TMEM132D: variants seen among roughly 807,000 people sequenced by gnomAD.
TMEM132D encodes mature OL transmembrane protein.
In TMEM132D, 21 loss-of-function variants were observed where a neutral mutation model predicts 62.3. That is an observed-to-expected ratio of 0.34 (90% CI 0.24 to 0.49). The LOEUF is 0.49. Among genes scored for constraint, TMEM132D ranks in the 20% least tolerant of loss-of-function variants. TMEM132D has a pLI of 0.99. For synonymous variants in TMEM132D, 621 were observed against 575.6 expected (o/e 1.08, Z -1.13); for missense variants, 1,346 against 1,402.8 (o/e 0.96, Z 0.65).
At chr12:129,490,004 C>T (rs115597359) in intron 3 of TMEM132D, among the ~76,000 whole-genome samples, 182 of 152,182 alleles carry the variant, frequency 1.2e-3, no homozygotes, top group African/African-American at 4.0e-3. Context: ...ATCTATATGC[C>T]CCATGGAATT....
intron 4 of TMEM132D, among the ~76,000 whole-genome samples, chr12:129,245,510 A>G (rs368527047): frequency 6.6e-6 from 1 of 151,980 alleles, no homozygotes; most frequent in Non-Finnish European, 1.5e-5. Flanking sequence ...TAAAGCTGCT[A>G]TAAACATCTG....
chr12:129,545,824 T>C (rs114020900), intron 2 of TMEM132D, among the ~76,000 whole-genome samples: 249 of 152,286 alleles, frequency 1.6e-3, no homozygotes, highest in African/African-American at 5.8e-3. Context: ...TTCAATAGGG[T>C]AGTTCCACTC....
intron 3 of TMEM132D, among the ~76,000 whole-genome samples, chr12:129,527,738 CA>C (rs1157719020): frequency 2.6e-5 from 4 of 152,184 alleles, no homozygotes; most frequent in African/African-American, 9.7e-5. Flanking sequence ...TTTGCAAATG[CA>C]AAATGCAATT....
At chr12:129,220,449 G>A (rs1056174143) in intron 4 of TMEM132D, among the ~76,000 whole-genome samples, 1 of 152,200 alleles carries the variant, frequency 6.6e-6, no homozygotes, top group African/African-American at 2.4e-5. Context: ...GAAAATCTGA[G>A]CCAAGTAGAT....
rs564061470 is a variant in TMEM132D, at chr12:129,800,866, C to T, written c.80-100168G>A. On this transcript the variant is annotated intron_variant, in intron 1 of 8. Coordinates refer to ENST00000422113, the MANE Select transcript of TMEM132D (RefSeq NM_133448.3). ...CAGCTCAGTGGGTGCGCGCACCGTG[C>T]ACCAGCCGAAGCAGGGCGAGGCATT... is the stretch of plus-strand genomic sequence containing the variant. Among the ~76,000 whole-genome samples, 76 of 152,270 alleles carry T rather than the reference C, an allele frequency of 5.0e-4. No individual in the cohort carries two copies. The East Asian group carries it at 0.014, about 28-fold the overall frequency.
At chr12:129,868,805 G>A (rs1249968754) in intron 1 of TMEM132D, among the ~76,000 whole-genome samples, 1 of 152,160 alleles carries the variant, frequency 6.6e-6, no homozygotes, top group Non-Finnish European at 1.5e-5. Flanking sequence ...CCTGCCCCCA[G>A]GGTGTTTTGG....
chr12:129,855,165 A>G (rs1873693241), intron 1 of TMEM132D, among the ~76,000 whole-genome samples: 1 of 99,632 alleles, frequency 1.0e-5, no homozygotes, highest in African/African-American at 4.1e-5. Flanking sequence ...GTGCCCTTAT[A>G]ACAGAGTCCG....
intron 1 of TMEM132D, among the ~76,000 whole-genome samples, chr12:129,751,767 G>A (rs574893866): frequency 1.1e-4 from 16 of 152,220 alleles, no homozygotes; most frequent in South Asian, 4.2e-4. Context: ...TTGCAACTTC[G>A]CTACAAACAC....
chr12:129,414,045 C>T (rs1313078597), intron 3 of TMEM132D, among the ~76,000 whole-genome samples: 1 of 152,196 alleles, frequency 6.6e-6, no homozygotes, highest in Non-Finnish European at 1.5e-5. Context: ...AAAATCAGGT[C>T]ACCAAAATTA....
intron 3 of TMEM132D, among the ~76,000 whole-genome samples, chr12:129,472,164 G>A (rs1277461949): frequency 6.6e-6 from 1 of 152,188 alleles, no homozygotes; most frequent in East Asian, 1.9e-4. Context: ...TGCCATCTAG[G>A]AGCTTCACAG....
intron 1 of TMEM132D, among the ~76,000 whole-genome samples, chr12:129,841,143 G>C (rs1160588306): frequency 6.6e-6 from 1 of 152,080 alleles, no homozygotes; most frequent in South Asian, 2.1e-4. Flanking sequence ...TGACATGTGC[G>C]CACCCCTGTG....
At chr12:129,231,014 A>G (rs1879623092) in intron 4 of TMEM132D, among the ~76,000 whole-genome samples, 1 of 152,234 alleles carries the variant, frequency 6.6e-6, no homozygotes, top group African/African-American at 2.4e-5. Flanking sequence ...AAAATCTTTG[A>G]AACCACTTAT....
chr12:129,590,408 ATTACCCAC>A (rs752745268), intron 2 of TMEM132D, among the ~76,000 whole-genome samples: 1 of 152,200 alleles, frequency 6.6e-6, no homozygotes, highest in African/African-American at 2.4e-5. Flanking sequence ...CCTCCTTCCA[ATTACCCAC>A]TTTTCATATT....
chr12:129,699,396 C>G (rs1396238568), intron 2 of TMEM132D, among the ~76,000 whole-genome samples: 1 of 152,164 alleles, frequency 6.6e-6, no homozygotes, highest in African/African-American at 2.4e-5. Context: ...TTTGAGTTGG[C>G]AAAACCGTGT....
intron 5 of TMEM132D, among the ~76,000 whole-genome samples, chr12:129,160,529 A>C (rs1877371950): frequency 6.6e-6 from 1 of 152,212 alleles, no homozygotes; most frequent in Admixed American, 6.5e-5. Context: ...TAGGAATGAA[A>C]CTAACATGAA....
intron 3 of TMEM132D, among the ~76,000 whole-genome samples, chr12:129,513,985 C>A (rs1334758552): frequency 6.6e-6 from 1 of 151,016 alleles, no homozygotes; most frequent in African/African-American, 2.4e-5. Context: ...CTACAGGCGC[C>A]CGCCACCACG....
rs755673857 is a variant in TMEM132D, at chr12:129,531,118, A to T, written c.1056T>A (p.Thr352=). ...CGATGACAGCTGGTGCATACTTTCC[A>T]GTATAATCCGTGCGCTCCTTGACAT... ...IWDVKERTDY[T]GKYAPAVIVC... Residue 352 remains threonine (T), a synonymous_variant, in exon 3 of 9, where the codon ACT becomes ACA. Coordinates refer to ENST00000422113, the MANE Select transcript of TMEM132D (RefSeq NM_133448.3). 6.2e-7 allele frequency: 1 copy of T among 1,613,938 alleles called. No homozygotes were observed. The highest frequency in any genetic ancestry group is 8.5e-7 in the Non-Finnish European group (1 of 1,179,934).
At chr12:129,699,652 A>G (rs930832679) in intron 2 of TMEM132D, among the ~76,000 whole-genome samples, 158 bp downstream of exon 2, 2 of 152,188 alleles carry the variant, frequency 1.3e-5, no homozygotes, top group African/African-American at 4.8e-5. Context: ...GAACGATCAG[A>G]CTGGTCTCTG....
chr12:129,791,814 A>G (rs776538912), intron 1 of TMEM132D, among the ~76,000 whole-genome samples: 5 of 152,140 alleles, frequency 3.3e-5, no homozygotes, highest in Non-Finnish European at 5.9e-5. Flanking sequence ...AATCAATTTG[A>G]AAAGCAAATA....
Sources: gnomAD v4.1 joint callset for allele counts (sites outside exome capture counted in the v4.1 genomes callset) on GRCh38, gnomAD v4.1.1 for gene constraint, MANE v1.5 for transcripts, NCBI Gene and HGNC (gene_info 2026-07-23, HGNC 2026-07-21) for gene names.